Variants in CFAP57 observed in about 807,000 individuals in gnomAD.
CFAP57 encodes the protein cilia- and flagella-associated protein 57.
CFAP57 carries 116 observed loss-of-function variants against 146.8 expected under a neutral mutation model. That is an observed-to-expected ratio of 0.79 (90% CI 0.68 to 0.92). CFAP57 has a LOEUF of 0.92. Among genes scored for constraint, CFAP57 ranks in the 40% least tolerant of loss-of-function variants. The pLI is 0.00. For synonymous variants in CFAP57, 518 were observed against 552.8 expected (o/e 0.94, Z 0.88); for missense variants, 1,377 against 1,527.2 (o/e 0.90, Z 1.64).
intron 18 of CFAP57, among the ~76,000 whole-genome samples, chr1:43,229,258 C>A (rs955060405): frequency 6.7e-6 from 1 of 149,082 alleles, no homozygotes; most frequent in East Asian, 2.1e-4. Flanking sequence ...TCCCCACCAG[C>A]ACACCTGGGG....
intron 11 of CFAP57, among the ~76,000 whole-genome samples, chr1:43,211,735 T>C (rs1644624781): frequency 6.6e-6 from 1 of 152,234 alleles, no homozygotes; most frequent in Admixed American, 6.5e-5. Context: ...TAAGCGTTTG[T>C]CCATACAATT....
chr1:43,194,284 C>T (rs1557751765), intron 6 of CFAP57, among the ~76,000 whole-genome samples: 3 of 151,858 alleles, frequency 2.0e-5, no homozygotes, highest in Non-Finnish European at 2.9e-5. Flanking sequence ...TTCTGGCTTC[C>T]GTTGTTGTTG....
chr1:43,218,992 G>A (rs1644942834), intron 12 of CFAP57, among the ~76,000 whole-genome samples: 1 of 152,276 alleles, frequency 6.6e-6, no homozygotes, highest in Middle Eastern at 3.4e-3. Flanking sequence ...AAAATAATAA[G>A]TAAATTGTAG....
intron 16 of CFAP57, 63 bp downstream of exon 16, chr1:43,223,060 G>A (rs1330510546): frequency 1.3e-6 from 2 of 1,490,456 alleles, no homozygotes; most frequent in Non-Finnish European, 1.8e-6. Context: ...AGCTGGGGTG[G>A]GTGGACTGAC....
At chr1:43,248,158 A>C (rs1237244543) in intron 22 of CFAP57, among the ~76,000 whole-genome samples, 1 of 151,146 alleles carries the variant, frequency 6.6e-6, no homozygotes, top group African/African-American at 2.4e-5. Flanking sequence ...AAAAAAAAAA[A>C]AACAGTTATT....
chr1:43,228,920 G>A (rs990241778), intron 18 of CFAP57, among the ~76,000 whole-genome samples: 1 of 148,850 alleles, frequency 6.7e-6, no homozygotes, highest in African/African-American at 2.5e-5. Flanking sequence ...GGGCAAACAA[G>A]CTCCCTCCAG....
chr1:43,217,837 G>A lies in CFAP57; in HGVS notation c.2092-1545G>A, dbSNP rs184567747. ...AGTCAGCCTGATCGGGTTCGATGAG[G>A]ACCTTTGGAAGCCCTCTAAGATAAA... On this transcript the variant is annotated intron_variant, in intron 12 of 22. Transcript: ENST00000372492. Among the ~76,000 whole-genome samples, 100 of 150,450 alleles carry A rather than the reference G, an allele frequency of 6.6e-4. 1 individual carries two copies. The highest frequency in any genetic ancestry group is 1.1e-3 in the Non-Finnish European group (76 of 68,004).
chr1:43,229,566 C>T (rs1205503378), intron 18 of CFAP57, among the ~76,000 whole-genome samples: 1 of 148,710 alleles, frequency 6.7e-6, no homozygotes, highest in Non-Finnish European at 1.5e-5. Context: ...GCTGCAACTT[C>T]TAATAACACT....
intron 21 of CFAP57, among the ~76,000 whole-genome samples, chr1:43,241,606 G>A (rs1199784633): frequency 6.6e-6 from 1 of 152,050 alleles, no homozygotes; most frequent in African/African-American, 2.4e-5. Flanking sequence ...TCCTGGCACA[G>A]GTCCATTTTA....
rs1557715244 is a variant in CFAP57, at chr1:43,172,761, C to T, written c.8C>T (p.Ala3Val). 1 of 1,614,100 alleles carries T rather than the reference C, an allele frequency of 6.2e-7. No homozygotes were observed. Among genetic ancestry groups the T allele is most frequent in the Admixed American group, 1.7e-5 (1 of 60,016 alleles). Residue 3 changes from alanine (A) to valine (V), a missense_variant, in exon 2 of 23, where the codon GCC (alanine) becomes GTC (valine). By Grantham distance (64) the Ala-to-Val change is moderately conservative. Transcript: ENST00000372492. MS[A>V]VVAQTLHVFG... is the part of the protein sequence containing the mutation. Reference sequence around the variant, plus strand: ...ACTGTTTGGCGGGAGATCATGTCAGCCGTGGTAGCTCAGACGCTGCATGTT... The same window carrying T: ...ACTGTTTGGCGGGAGATCATGTCAGTCGTGGTAGCTCAGACGCTGCATGTT...
intron 11 of CFAP57, 54 bp downstream of exon 11, chr1:43,209,970 C>T: frequency 1.9e-6 from 3 of 1,613,444 alleles, no homozygotes; most frequent in Non-Finnish European, 8.5e-7. Flanking sequence ...TGCTACGTGC[C>T]TTGTTCATCC....
chr1:43,174,071 G>A (rs1353669100), intron 2 of CFAP57, among the ~76,000 whole-genome samples: 2 of 152,234 alleles, frequency 1.3e-5, no homozygotes, highest in South Asian at 2.1e-4. Context: ...CCTTGTTCAA[G>A]TCTTTTACTT....
chr1:43,220,607 C>G (rs1645006498), intron 13 of CFAP57, among the ~76,000 whole-genome samples: 1 of 152,154 alleles, frequency 6.6e-6, no homozygotes, highest in Non-Finnish European at 1.5e-5. Context: ...GCCTGTAGTT[C>G]TAGCTACTTG....
intron 22 of CFAP57, among the ~76,000 whole-genome samples, chr1:43,249,755 C>T (rs895950569): frequency 5.3e-5 from 8 of 151,874 alleles, no homozygotes; most frequent in Admixed American, 5.3e-4. Context: ...CAACCATTTT[C>T]TTAATAGCCA....
chr1:43,235,221 G>A (rs946255419), intron 21 of CFAP57, among the ~76,000 whole-genome samples: 6 of 151,960 alleles, frequency 3.9e-5, no homozygotes, highest in Admixed American at 2.0e-4. Context: ...TTTAATAAGC[G>A]CCTCACACCC....
At chr1:43,215,522 C>A in intron 12 of CFAP57, 106 bp downstream of exon 12, 1 of 1,323,292 alleles carries the variant, frequency 7.6e-7, no homozygotes, top group Non-Finnish European at 1.0e-6. Flanking sequence ...ACCCTATGCC[C>A]AGTGCAGACC....
Position 43,224,201 on chromosome 1 carries a change from C to T in CFAP57, c.2862C>T (p.Asp954=), listed in dbSNP as rs950801383. The T allele has an allele frequency of 6.5e-7, 1 of 1,538,726 alleles. No homozygotes were observed. The highest frequency in any genetic ancestry group is 1.4e-5 in the African/African-American group (1 of 72,718). ...AGGAAAGAGACGAGACTATTCAAGACAAGGTGCAGCTCTCCTTCTGTCCTC... is the reference window on the plus strand; with the variant it reads ...AGGAAAGAGACGAGACTATTCAAGATAAGGTGCAGCTCTCCTTCTGTCCTC... ...EIQERDETIQ[D]KEKRIYDLKK... The change falls in exon 17 of 23, where the codon GAC becomes GAT. Residue 954 remains aspartate, a synonymous_variant. Transcript: ENST00000372492.
rs1486566367 is a variant in CFAP57 at position 43,201,873 on chromosome 1, C to CCAAA, written c.1542+2371_1542+2374dup. On this transcript the variant is annotated intron_variant, in intron 9 of 22. Transcript: ENST00000372492. The surrounding 1 kb of genome is among the most constrained non-coding windows in gnomAD (Gnocchi z 4.4). ...CAGGTGATCCACCCACCTCGGCCTC[C>CCAAA]CAAAGTCCTGGGATTACAGGCGTGA... Among the ~76,000 whole-genome samples the CCAAA allele has an allele frequency of 6.6e-6, 1 of 152,174 alleles. No individual in the cohort carries two copies. The highest frequency in any genetic ancestry group is 1.5e-5 in the Non-Finnish European group (1 of 68,042).
At position 43,234,381 on chromosome 1, in the gene CFAP57, C is replaced by G. The variant is rs1225681045; in HGVS notation, c.3229C>G (p.Leu1077Val). The change falls in exon 20 of 23, where the codon CTC becomes GTC. Residue 1077 changes from leucine (L) to valine (V), a missense_variant. Leu to Val is a conservative substitution (Grantham distance 32). Transcript: ENST00000372492. ...PRLLKEKVRG[L>V]FEKYVQRADM... The stretch of plus-strand genomic sequence containing the variant: ...GCTGCTGAAGGAGAAGGTTCGAGGT[C>G]TCTTTGAGAAGTACGTGCAGCGAGC... 2.5e-5 allele frequency: 39 copies of G among 1,550,186 alleles called. No homozygotes were observed. The highest frequency in any genetic ancestry group is 3.4e-5 in the Non-Finnish European group (39 of 1,146,852).
Sources: allele counts gnomAD v4.1 joint callset (sites outside exome capture counted in the v4.1 genomes callset), GRCh38; gene constraint gnomAD v4.1.1; non-coding constraint Gnocchi (gnomAD v3.1); transcripts MANE v1.5; gene names NCBI Gene and HGNC (gene_info 2026-07-23, HGNC 2026-07-21).